BCL3: variants seen among roughly 807,000 people sequenced by gnomAD.
BCL3 encodes the protein BCL3 transcription coactivator.
In BCL3, 15 loss-of-function variants were observed where a neutral mutation model predicts 35.7. The observed-to-expected ratio is 0.42, with a 90% CI of 0.28 to 0.65. The LOEUF (loss-of-function observed/expected upper bound fraction) is 0.65. Among genes scored for constraint, BCL3 ranks in the 30% least tolerant of loss-of-function variants. BCL3 has a pLI of 0.22. For synonymous variants in BCL3, 311 were observed against 284.3 expected (o/e 1.09, Z -0.95); for missense variants, 565 against 641.7 (o/e 0.88, Z 1.29).
chr19:44,756,585 GGA>G lies in BCL3; in HGVS notation c.519+246_519+247del, dbSNP rs1263229752. Among the ~76,000 whole-genome samples, 1,441 of 144,296 alleles carry G rather than the reference GGA, an allele frequency of 1.0e-2. 25 individuals carry two copies. The highest frequency in any genetic ancestry group is 0.045 in the South Asian group (205 of 4,530). 94.7% of individuals were successfully genotyped at this position (144,296 alleles called of 152,430 possible). On this transcript the variant is annotated intron_variant, in intron 3 of 8. Coordinates refer to ENST00000164227, the MANE Select transcript of BCL3 (RefSeq NM_005178.5). ...CCTGAGTCTGAGGGAGGAGGGCTGG[GGA>G]TCTGGACTCCTGGGTCTGAGGGAGG...
At chr19:44,747,837 G>C, upstream of BCL3, 1 of 1,152,076 alleles carries the variant, frequency 8.7e-7, no homozygotes, top group African/African-American at 1.6e-5. Context: ...TGTGCACCTA[G>C]GATTTTCCGA....
intron 3 of BCL3, 23 bp downstream of exon 3, chr19:44,756,363 A>G (rs1599841823): frequency 7.6e-7 from 1 of 1,319,810 alleles, no homozygotes. Context: ...CTGAGGGAGG[A>G]GGGCTGGGGC....
chr19:44,757,848 T>A lies in BCL3; in HGVS notation c.891+125T>A. The A allele has an allele frequency of 1.1e-6, 1 of 928,678 alleles. No individual in the cohort carries two copies. Among genetic ancestry groups the A allele is most frequent in the Non-Finnish European group, 1.6e-6 (1 of 610,896 alleles). The allele number at this position is 928,678 out of a possible 1,614,324, so 57.5% of individuals were successfully genotyped here. ...CTCCGGCTCCTGCTCCGCGTCCAGC[T>A]CTGATCCTTTAAGGCCTAGTTTTCT... On this transcript the variant is annotated intron_variant, in intron 6 of 8. Coordinates refer to ENST00000164227, the MANE Select transcript of BCL3 (RefSeq NM_005178.5). This position sits in a 1 kb window ranked among gnomAD's most constrained non-coding sequence, Gnocchi z 8.4.
At chr19:44,752,355 A>C (rs1350820416) in intron 2 of BCL3, among the ~76,000 whole-genome samples, 1 of 149,874 alleles carries the variant, frequency 6.7e-6, no homozygotes, top group Admixed American at 6.6e-5. Context: ...CGCTACCCCC[A>C]CACCTGGCTA....
At chr19:44,756,640 T>TGAGG (rs1967292425) in intron 3 of BCL3, among the ~76,000 whole-genome samples, 1 of 148,642 alleles carries the variant, frequency 6.7e-6, no homozygotes, top group Non-Finnish European at 1.5e-5. Flanking sequence ...CTCCTGGGTC[T>TGAGG]GAGGGAGGAG....
chr19:44,755,781 G>A (rs553171098), intron 2 of BCL3, among the ~76,000 whole-genome samples: 4 of 152,278 alleles, frequency 2.6e-5, no homozygotes, highest in East Asian at 3.9e-4. Context: ...AGCTGGGCGC[G>A]ATGGCACACA....
In BCL3 at chr19:44,758,714, C is replaced by T; in HGVS notation, c.1060-10C>T. ...TGGGTGGCTCTATGGTCACGCCCAT[C>T]TTCCTACAGGTCATCGACATCCTGA... On this transcript the variant is annotated splice_polypyrimidine_tract_variant and intron_variant, in intron 7 of 8. Coordinates refer to ENST00000164227, the MANE Select transcript of BCL3 (RefSeq NM_005178.5). 6.3e-7 allele frequency: 1 copy of T among 1,586,562 alleles called. No individual in the cohort carries two copies. The highest frequency in any genetic ancestry group is 8.6e-7 in the Non-Finnish European group (1 of 1,166,494).
In BCL3 at chr19:44,757,426, A is replaced by G; in HGVS notation, c.813+11A>G. 2 of 1,581,334 alleles carry G rather than the reference A, an allele frequency of 1.3e-6. No individual in the cohort carries two copies. The highest frequency in any genetic ancestry group is 1.7e-4 in the Middle Eastern group (1 of 5,948). On this transcript the variant is annotated intron_variant, in intron 5 of 8. Transcript: ENST00000164227. The surrounding 1 kb of genome is among the most constrained non-coding windows in gnomAD (Gnocchi z 8.4). Reference sequence around the variant, plus strand: ...GACATCGACGCAGTGGTGAGCGTGCACTAGGAGCTGGGAGGGAGCGGGGCC... The same window carrying G: ...GACATCGACGCAGTGGTGAGCGTGCGCTAGGAGCTGGGAGGGAGCGGGGCC...
chr19:44,759,325 A>AC, intron 8 of BCL3, 103 bp from the exon 9 acceptor site: 8 of 711,382 alleles, frequency 1.1e-5, no homozygotes, highest in South Asian at 6.7e-5. Context: ...CCGAGTCCAG[A>AC]CCCCCAGCCC....
In BCL3 at chr19:44,759,527, C is replaced by T; in HGVS notation, c.1277C>T (p.Pro426Leu). The T allele has an allele frequency of 6.2e-7, 1 of 1,613,510 alleles. No individual in the cohort carries two copies. Among genetic ancestry groups the T allele is most frequent in the Non-Finnish European group, 8.5e-7 (1 of 1,179,818 alleles). Residue 426 changes from proline (P) to leucine (L), a missense_variant, in exon 9 of 9, where the codon CCA (proline) becomes CTA (leucine). Coordinates refer to ENST00000164227, the MANE Select transcript of BCL3 (RefSeq NM_005178.5). Reference protein sequence around the residue: ...MAPPNFFLPSPSPPAFLPFAG... With the variant: ...MAPPNFFLPSLSPPAFLPFAG... ...CCTCCCAATTTCTTCCTTCCTTCCC[C>T]ATCTCCACCCGCCTTCCTGCCCTTT...
chr19:44,759,374 C>A, intron 8 of BCL3, 54 bp from the exon 9 acceptor site: 1 of 1,430,654 alleles, frequency 7.0e-7, no homozygotes, highest in Non-Finnish European at 9.7e-7. Flanking sequence ...CCAGCCCCTG[C>A]TCTCTGGGTC....
At chr19:44,759,026 G>A (rs547094167) in intron 8 of BCL3, among the ~76,000 whole-genome samples, 185 bp downstream of exon 8, 187 of 35,348 alleles carry the variant, frequency 5.3e-3, no homozygotes, top group African/African-American at 0.023. Flanking sequence ...TCAGACCCCA[G>A]CCCCTCCTCC....
Position 44,756,751 on chromosome 19 carries a change from G to A in BCL3, c.520-266G>A, listed in dbSNP as rs1283477152. Among the ~76,000 whole-genome samples the A allele has an allele frequency of 2.0e-5, 3 of 151,416 alleles. 1 individual carries two copies. The highest frequency in any genetic ancestry group is 4.2e-4 in the South Asian group (2 of 4,792). ...GACTGGTTGTTCCTGAGAGGGAGGG[G>A]GCCTAAAGACCTCCTAGTGAGGAGG... On this transcript the variant is annotated intron_variant, in intron 3 of 8. Transcript: ENST00000164227.
Position 44,748,726 on chromosome 19 carries a change from C to A in BCL3, c.-65C>A. 2 of 1,066,778 alleles carry A rather than the reference C, an allele frequency of 1.9e-6. No individual in the cohort carries two copies. The highest frequency in any genetic ancestry group is 2.3e-6 in the Non-Finnish European group (2 of 883,076). 66.1% of individuals were successfully genotyped at this position (1,066,778 alleles called of 1,614,324 possible). A position where few individuals can be genotyped will look rare whatever the true frequency, so the allele number is the denominator to read the frequency against. On this transcript the variant is annotated 5_prime_UTR_variant, in exon 1 of 9. Transcript: ENST00000164227. The stretch of plus-strand genomic sequence containing the variant: ...CGGCTGCAGGGGAAGTCCCGGCGCC[C>A]GGCGAAACCACCCTCCCGTGCAGCC...
chr19:44,759,351 C>A (rs1355338465), intron 8 of BCL3, 77 bp from the exon 9 acceptor site: 15 of 1,208,798 alleles, frequency 1.2e-5, no homozygotes, highest in Non-Finnish European at 1.7e-5. Flanking sequence ...CCCTCAGACC[C>A]AGATCTCAGG....
chr19:44,758,902 A>G, intron 8 of BCL3, 61 bp downstream of exon 8: 4 of 1,343,576 alleles, frequency 3.0e-6, no homozygotes, highest in Non-Finnish European at 4.0e-6. Flanking sequence ...AGGAATCCCA[A>G]CCCACAGCCC....
chr19:44,759,344 T>G, intron 8 of BCL3, 84 bp from the exon 9 acceptor site: 17 of 419,952 alleles, frequency 4.0e-5, no homozygotes, highest in East Asian at 2.2e-4. Flanking sequence ...CCCTCCTCCC[T>G]CAGACCCAGA....
In BCL3 at chr19:44,759,995, T is replaced by C; in HGVS notation, c.*380T>C. The C allele has an allele frequency of 7.6e-6, 2 of 264,326 alleles. No individual in the cohort carries two copies. The highest frequency in any genetic ancestry group is 7.1e-6 in the Non-Finnish European group (1 of 140,444). The allele number at this position is 264,326 out of a possible 1,614,324, so 16.4% of individuals were successfully genotyped here. Reference sequence around the variant, plus strand: ...CGGGCACGGATCACGATGTAAATTATTAAGCATTTTGGTTGGATTTCTTTT... The same window carrying C: ...CGGGCACGGATCACGATGTAAATTACTAAGCATTTTGGTTGGATTTCTTTT... On this transcript the variant is annotated 3_prime_UTR_variant, in exon 9 of 9. Transcript: ENST00000164227.
chr19:44,752,994 G>A (rs1297651820), intron 2 of BCL3, among the ~76,000 whole-genome samples: 2 of 152,198 alleles, frequency 1.3e-5, no homozygotes, highest in Non-Finnish European at 1.5e-5. Flanking sequence ...TCATGTCCCT[G>A]AGTCTCAGTT....
Sources: gnomAD v4.1 joint callset for allele counts (sites outside exome capture counted in the v4.1 genomes callset) on GRCh38, gnomAD v4.1.1 for gene constraint, Gnocchi (gnomAD v3.1) non-coding constraint, MANE v1.5 for transcripts, NCBI Gene and HGNC (gene_info 2026-07-23, HGNC 2026-07-21) for gene names.